REV3L: variants seen among roughly 807,000 people sequenced by gnomAD.
REV3L encodes the protein DNA polymerase zeta catalytic subunit.
A neutral mutation model predicts 299.4 loss-of-function variants in REV3L; 69 were observed. The observed-to-expected ratio is 0.23, with a 90% CI of 0.19 to 0.28. REV3L has a LOEUF of 0.28. Among genes scored for constraint, REV3L ranks in the 10% least tolerant of loss-of-function variants. REV3L has a pLI of 1.00. For missense variants in REV3L, 3,128 were observed against 3,693.8 expected, an observed-to-expected ratio of 0.85 and a Z score of 3.97; for synonymous variants, 1,238 against 1,271.4, an observed-to-expected ratio of 0.97 and a Z score of 0.56.
At chr6:111,410,977 A>T (rs1021081063) in intron 3 of REV3L, among the ~76,000 whole-genome samples, 2 of 152,234 alleles carry the variant, frequency 1.3e-5, no homozygotes, top group East Asian at 3.9e-4. Context: ...GATGATTGAG[A>T]GGATAAGCTA....
intron 2 of REV3L, among the ~76,000 whole-genome samples, chr6:111,413,650 G>A (rs1262196031): frequency 1.3e-5 from 2 of 151,936 alleles, no homozygotes; most frequent in Non-Finnish European, 1.5e-5. Context: ...ATTAGAGAAG[G>A]TAGAATGAAT....
At chr6:111,303,671 C>CTTTT (rs144753407) in intron 31 of REV3L, among the ~76,000 whole-genome samples, 1 of 56,096 alleles carries the variant, frequency 1.8e-5, no homozygotes, top group East Asian at 7.3e-4. Flanking sequence ...CCAGCCGAGG[C>CTTTT]TTTTTTTTTT....
At position 111,349,273 on chromosome 6, in the gene REV3L, T is replaced by C; in HGVS notation, c.7364A>G (p.Glu2455Gly). ...TGTAATTCGGCCAACAATATTTATC[T>C]CACTCATTGTATATGATCCATACTC... ...RDEYGSYTMS[E>G]INIVGRITLN... is the part of the protein sequence containing the mutation. The change falls in exon 20 of 32, where the codon GAG becomes GGG. Residue 2455 changes from glutamate to glycine, a missense_variant. Around this residue, in one of 9 missense-constraint regions of REV3L, gnomAD observed 50 missense variants for 48.2 expected, o/e 1.04. Transcript: ENST00000368802. 6.2e-7 allele frequency: 1 copy of C among 1,608,564 alleles called. No homozygotes were observed. The highest frequency in any genetic ancestry group is 8.5e-7 in the Non-Finnish European group (1 of 1,176,236).
intron 31 of REV3L, among the ~76,000 whole-genome samples, chr6:111,303,144 T>C (rs2114681837): frequency 6.8e-6 from 1 of 148,002 alleles, no homozygotes; most frequent in South Asian, 2.1e-4. Context: ...TTTTGAAATG[T>C]ACTGAGGCTT....
intron 28 of REV3L, 190 bp downstream of exon 28, chr6:111,313,162 C>G (rs1773159297): frequency 2.1e-6 from 1 of 471,112 alleles, no homozygotes; most frequent in Admixed American, 4.3e-5. Context: ...GACCCTGTCT[C>G]AAACAAACAA....
intron 13 of REV3L, among the ~76,000 whole-genome samples, chr6:111,370,887 C>T (rs1196418260): frequency 6.6e-6 from 1 of 152,022 alleles, no homozygotes; most frequent in Non-Finnish European, 1.5e-5. Context: ...GTCCAAAGTC[C>T]ACAGATTACA....
chr6:111,411,975 C>G (rs1784296080), intron 2 of REV3L: 2 of 985,350 alleles, frequency 2.0e-6, no homozygotes, highest in South Asian at 9.4e-5. Flanking sequence ...TTTCAGCCGC[C>G]TTCTTCTGGC....
At chr6:111,348,247 A>T (rs1411951687) in intron 20 of REV3L, among the ~76,000 whole-genome samples, 1 of 152,108 alleles carries the variant, frequency 6.6e-6, no homozygotes, top group African/African-American at 2.4e-5. Flanking sequence ...GCCACCATGT[A>T]TGGCTTTTTT....
At chr6:111,331,035 T>C (rs1489094819) in intron 24 of REV3L, 1 of 984,668 alleles carries the variant, frequency 1.0e-6, no homozygotes, top group Non-Finnish European at 1.2e-6. Flanking sequence ...TACTGTCTCA[T>C]GATTCTAGTA....
chr6:111,368,473 T>C (rs996263495), intron 13 of REV3L, among the ~76,000 whole-genome samples: 2 of 152,186 alleles, frequency 1.3e-5, no homozygotes, highest in African/African-American at 4.8e-5. Context: ...GTATCTGTAG[T>C]TTAACAAAGC....
intron 29 of REV3L, chr6:111,310,689 TA>T (rs1772878387): frequency 6.0e-6 from 1 of 167,646 alleles, no homozygotes; most frequent in South Asian, 2.0e-4. Context: ...GAATGAGAAC[TA>T]ACTATCATTA....
In REV3L at chr6:111,373,529, G is replaced by C; in HGVS notation, c.4826C>G (p.Ser1609Cys). 1.9e-6 allele frequency: 3 copies of C among 1,613,410 alleles called. No individual in the cohort carries two copies. Among genetic ancestry groups the C allele is most frequent in the Non-Finnish European group, 2.5e-6 (3 of 1,179,822 alleles). Residue 1609 changes from serine to cysteine, a missense_variant, in exon 13 of 32, where the codon TCT becomes TGT. Coordinates refer to ENST00000368802, the MANE Select transcript of REV3L (RefSeq NM_001372078.1). ...TGATACAGAGTTATCCAACTGGCTAGAGTTTTGTAAATTTAAAGAGTCTAC... is the reference window on the plus strand; with the variant it reads ...TGATACAGAGTTATCCAACTGGCTACAGTTTTGTAAATTTAAAGAGTCTAC... Reference protein sequence around the residue: ...LKVDSLNLQNSSQLDNSVSDD... With the variant: ...LKVDSLNLQNCSQLDNSVSDD...
At chr6:111,401,107 T>C (rs1406341956) in intron 4 of REV3L, among the ~76,000 whole-genome samples, 4 of 152,216 alleles carry the variant, frequency 2.6e-5, no homozygotes, top group Admixed American at 2.6e-4. Flanking sequence ...TTCTGTTCCA[T>C]TGGTATATGT....
intron 1 of REV3L, among the ~76,000 whole-genome samples, chr6:111,443,311 CT>C (rs1412453758): frequency 1.8e-4 from 27 of 151,980 alleles, no homozygotes; most frequent in African/African-American, 6.5e-4. Context: ...CCTCGCCCAG[CT>C]AATTTTTGTA....
rs777079927 is a variant in REV3L at position 111,373,000 on chromosome 6, T to G, written c.5355A>C (p.Glu1785Asp). 2 of 1,614,046 alleles carry G rather than the reference T, an allele frequency of 1.2e-6. No individual in the cohort carries two copies. Among genetic ancestry groups the G allele is most frequent in the African/African-American group, 1.3e-5 (1 of 74,928 alleles). ...TTGGCTGTGGGAGGCTAAGAAACAC[T>G]TCTTTGCTTACTGAACTCCTATTCA... Reference protein sequence around the residue: ...SRLNRSSVSKEVFLSLPQPNN... With the variant: ...SRLNRSSVSKDVFLSLPQPNN... The change falls in exon 13 of 32, where the codon GAA (glutamate) becomes GAC (aspartate). Residue 1785 changes from glutamate to aspartate, a missense_variant. Physicochemically the swap from Glu to Asp is conservative, Grantham distance 45 (BLOSUM62 2). This residue lies in a region of REV3L where 2,409 missense variants were observed against 2,611.8 expected (regional missense o/e 0.92). Transcript: ENST00000368802.
chr6:111,467,813 C>T lies in REV3L; in HGVS notation c.139+14937G>A, dbSNP rs1791690135. The stretch of plus-strand genomic sequence containing the variant: ...TCCTCAGGGATTCCTGCAACGAATC[C>T]CTCACAGATACTAAGGGATGGATAC... On this transcript the variant is annotated intron_variant, in intron 1 of 31. Coordinates refer to ENST00000368802, the MANE Select transcript of REV3L (RefSeq NM_001372078.1). Among the ~76,000 whole-genome samples the T allele has an allele frequency of 2.0e-5, 3 of 152,046 alleles. No homozygotes were observed. The Middle Eastern group carries it at 0.01, about 517-fold the overall frequency.
intron 20 of REV3L, among the ~76,000 whole-genome samples, chr6:111,344,811 T>G (rs1390391583): frequency 6.6e-6 from 1 of 152,212 alleles, no homozygotes; most frequent in East Asian, 1.9e-4. Flanking sequence ...AAACAGCACT[T>G]CACATTTGTA....
intron 4 of REV3L, among the ~76,000 whole-genome samples, chr6:111,400,572 T>G (rs573757941): frequency 6.6e-6 from 1 of 152,342 alleles, no homozygotes; most frequent in Admixed American, 6.5e-5. Context: ...TTTGCTTTCT[T>G]ATTGTTGATT....
In REV3L at chr6:111,372,894, T is replaced by C. The variant is rs542235108; in HGVS notation, c.5461A>G (p.Ile1821Val). 3.7e-6 allele frequency: 6 copies of C among 1,614,102 alleles called. No homozygotes were observed. The East Asian group carries it at 8.9e-5, about 24-fold the overall frequency. Residue 1821 changes from isoleucine (I) to valine (V), a missense_variant, in exon 13 of 32, where the codon ATA (isoleucine) becomes GTA (valine). Ile to Val is a conservative substitution (Grantham distance 29). Around this residue, in one of 9 missense-constraint regions of REV3L, gnomAD observed 2,409 missense variants for 2,611.8 expected, o/e 0.92. Coordinates refer to ENST00000368802, the MANE Select transcript of REV3L (RefSeq NM_001372078.1). ...AGTTCACCATCAGGGGAGGAGAGTA[T>C]TGCAGTAAAAGAGGTATTGGCTGAG... Reference protein sequence around the residue: ...LDSANTSFTAILSSPDGELVD... With the variant: ...LDSANTSFTAVLSSPDGELVD...
Sources: allele counts gnomAD v4.1 joint callset (sites outside exome capture counted in the v4.1 genomes callset), GRCh38; gene constraint gnomAD v4.1.1; regional missense constraint gnomAD v4.1.1; transcripts MANE v1.5; gene names NCBI Gene and HGNC (gene_info 2026-07-23, HGNC 2026-07-21).